MED12L: variants seen among roughly 807,000 people sequenced by gnomAD.
MED12L encodes the protein mediator of RNA polymerase II transcription subunit 12-like protein.
In MED12L, 60 loss-of-function variants were observed where a neutral mutation model predicts 281.3. That is an observed-to-expected ratio of 0.21 (90% confidence interval 0.17 to 0.26). The LOEUF is 0.26. Among genes scored for constraint, MED12L ranks in the 10% least tolerant of loss-of-function variants. The probability of loss-of-function intolerance (pLI) is 1.00; values close to 1 mark genes in which losing one functional copy is unlikely to be tolerated. For synonymous variants in MED12L, 974 were observed against 987.2 expected (o/e 0.99, Z 0.25); for missense variants, 2,146 against 2,680.9 (o/e 0.80, Z 4.41).
chr3:151,231,202 C>A (rs1238699813), intron 16 of MED12L, among the ~76,000 whole-genome samples: 1 of 152,158 alleles, frequency 6.6e-6, no homozygotes, highest in East Asian at 1.9e-4. Context: ...AGAATGCTGG[C>A]TAGTAAAGGT....
chr3:151,324,295 A>G (rs1310806673), intron 16 of MED12L, among the ~76,000 whole-genome samples: 1 of 152,148 alleles, frequency 6.6e-6, no homozygotes, highest in African/African-American at 2.4e-5. Context: ...TGCTTGGGTA[A>G]GGTCCTGGGA....
At chr3:151,250,652 T>C (rs1736677201) in intron 16 of MED12L, among the ~76,000 whole-genome samples, 1 of 152,192 alleles carries the variant, frequency 6.6e-6, no homozygotes, top group Non-Finnish European at 1.5e-5. Flanking sequence ...ATATACCACA[T>C]TTTGTTTATT....
chr3:151,416,389 T>C lies in MED12L; in HGVS notation c.6375T>C (p.Leu2125=). 6.4e-7 allele frequency: 1 copy of C among 1,552,486 alleles called. No individual in the cohort carries two copies. Among genetic ancestry groups the C allele is most frequent in the Non-Finnish European group, 8.8e-7 (1 of 1,140,684 alleles). Residue 2125 remains leucine, a synonymous_variant, in exon 43 of 45, where the codon CTT becomes CTC. Coordinates refer to ENST00000687756, the MANE Select transcript of MED12L (RefSeq NM_001393769.1). ...QQSSQSQSQT[L]GLQAMQPQQP... ...CCTCGCAGTCCCAGAGTCAGACCCT[T>C]GGTCTCCAAGCAATGCAGCCCCAGC...
At chr3:151,154,387 A>G (rs75347181) in intron 5 of MED12L, among the ~76,000 whole-genome samples, 2,878 of 152,326 alleles carry the variant, frequency 0.019, 43 homozygotes, top group Non-Finnish European at 0.031. Flanking sequence ...CTTAGAGTAG[A>G]AAAGATGGAA....
chr3:151,401,382 A>T (rs1289566258), intron 39 of MED12L, among the ~76,000 whole-genome samples: 1 of 151,884 alleles, frequency 6.6e-6, no homozygotes. Flanking sequence ...GGAAATGCTG[A>T]TTGATTTTGA....
At chr3:151,322,107 C>T (rs182020675) in intron 16 of MED12L, among the ~76,000 whole-genome samples, 38 of 152,286 alleles carry the variant, frequency 2.5e-4, no homozygotes, top group Middle Eastern at 3.4e-3. Context: ...CTATGCACAT[C>T]ATAGCATAGA....
intron 38 of MED12L, among the ~76,000 whole-genome samples, chr3:151,392,491 T>TAAAAAAAAAA (rs1714391851): frequency 7.7e-6 from 1 of 130,234 alleles, no homozygotes. Context: ...AAAAAAAAAG[T>TAAAAAAAAAA]AAAAATAAAT....
intron 12 of MED12L, among the ~76,000 whole-genome samples, chr3:151,186,451 C>T (rs1723296323): frequency 6.6e-6 from 1 of 152,160 alleles, no homozygotes; most frequent in Non-Finnish European, 1.5e-5. Flanking sequence ...ACCTCACCTG[C>T]CTTTTCCACC....
chr3:151,130,830 C>T (rs1338738364), intron 5 of MED12L, among the ~76,000 whole-genome samples: 1 of 152,214 alleles, frequency 6.6e-6, no homozygotes, highest in African/African-American at 2.4e-5. Flanking sequence ...TTGTTCTTAA[C>T]ACCATCTGAT....
chr3:151,324,017 A>G (rs1277408071), intron 16 of MED12L, among the ~76,000 whole-genome samples: 1 of 134,796 alleles, frequency 7.4e-6, no homozygotes, highest in Non-Finnish European at 1.8e-5. Context: ...GCTAAGTCTG[A>G]CAGGACAGAG....
chr3:151,204,659 G>A (rs1472351044), intron 16 of MED12L, among the ~76,000 whole-genome samples: 2 of 152,198 alleles, frequency 1.3e-5, no homozygotes, highest in Non-Finnish European at 2.9e-5. Flanking sequence ...TAAGTGAGAA[G>A]TGATCAGGGT....
chr3:151,310,922 C>T (rs149083366), intron 16 of MED12L, among the ~76,000 whole-genome samples: 40 of 152,208 alleles, frequency 2.6e-4, no homozygotes, highest in African/African-American at 9.4e-4. Flanking sequence ...TAGATAGGAG[C>T]TGGGGTGGGG....
chr3:151,280,325 T>C (rs1483392308), intron 16 of MED12L, among the ~76,000 whole-genome samples: 1 of 152,196 alleles, frequency 6.6e-6, no homozygotes, highest in Non-Finnish European at 1.5e-5. Flanking sequence ...CTGATTTGCA[T>C]GTACTGTTCT....
At chr3:151,339,654 TAA>T (rs1751546369) in intron 16 of MED12L, among the ~76,000 whole-genome samples, 1 of 151,510 alleles carries the variant, frequency 6.6e-6, no homozygotes, top group Admixed American at 6.6e-5. Context: ...AAAAAAAAAA[TAA>T]GAGTCAGAAA....
intron 16 of MED12L, among the ~76,000 whole-genome samples, chr3:151,317,436 CTTTTTTTTTTTTT>C (rs1164820615): frequency 8.5e-5 from 5 of 58,742 alleles, no homozygotes; most frequent in African/African-American, 1.9e-4. Flanking sequence ...AATCATATCA[CTTTTTTTTTTTTT>C]TTTTTTTTTT....
intron 5 of MED12L, among the ~76,000 whole-genome samples, chr3:151,143,362 C>T (rs1306919550): frequency 1.3e-5 from 2 of 152,172 alleles, no homozygotes; most frequent in Non-Finnish European, 2.9e-5. Flanking sequence ...ACTATTGAAA[C>T]GTTACTCTAA....
Position 151,127,923 on chromosome 3 carries a change from C to T in MED12L, c.495C>T (p.Ala165=), listed in dbSNP as rs760611386. 33 of 1,613,894 alleles carry T rather than the reference C, an allele frequency of 2.0e-5. No homozygotes were observed. The highest frequency in any genetic ancestry group is 2.8e-5 in the Non-Finnish European group (33 of 1,179,950). ...RATWLIKMTC[A]YYSAISEAKI... ...CGTGGCTGATCAAGATGACTTGTGC[C>T]TATTATTCTGCTATATCTGAAGCTA... The change falls in exon 5 of 45, where the codon GCC becomes GCT. Residue 165 remains alanine (A), a synonymous_variant. Transcript: ENST00000687756.
At chr3:151,185,911 T>A (rs1296460226) in intron 12 of MED12L, among the ~76,000 whole-genome samples, 1 of 152,132 alleles carries the variant, frequency 6.6e-6, no homozygotes, top group African/African-American at 2.4e-5. Context: ...AGAAATTTCT[T>A]TGCTATATTG....
intron 42 of MED12L, among the ~76,000 whole-genome samples, chr3:151,416,003 A>G (rs1412016863): frequency 1.3e-5 from 2 of 152,204 alleles, no homozygotes; most frequent in Non-Finnish European, 2.9e-5. Flanking sequence ...AAAGGACATG[A>G]AAGGAATTAA....
Sources: allele counts gnomAD v4.1 joint callset (sites outside exome capture counted in the v4.1 genomes callset), GRCh38; gene constraint gnomAD v4.1.1; transcripts MANE v1.5; gene names NCBI Gene and HGNC (gene_info 2026-07-23, HGNC 2026-07-21).